Variants in CFAP251 observed in about 807,000 individuals in gnomAD.
CFAP251 encodes cilia and flagella associated protein 251, also known as cilia- and flagella-associated protein 251.
A neutral mutation model predicts 126.7 loss-of-function variants in CFAP251; 93 were observed. The ratio of observed to expected loss-of-function variants is 0.73; its 90% confidence interval spans 0.62 to 0.87. CFAP251 has a LOEUF of 0.87. Ranked by LOEUF, CFAP251 falls within the 40% of genes least tolerant of loss-of-function variation. The pLI is 0.00. For synonymous variants in CFAP251, 503 were observed against 506.9 expected, an observed-to-expected ratio of 0.99 and a Z score of 0.10; for missense variants, 1,287 against 1,389.2, an observed-to-expected ratio of 0.93 and a Z score of 1.17.
chr12:121,923,737 G>C lies in CFAP251; in HGVS notation c.494G>C (p.Ser165Thr). 1 of 1,614,182 alleles carries C rather than the reference G, an allele frequency of 6.2e-7. No individual in the cohort carries two copies. Among genetic ancestry groups the C allele is most frequent in the Non-Finnish European group, 8.5e-7 (1 of 1,180,032 alleles). Residue 165 changes from serine to threonine, a missense_variant, in exon 3 of 22, where the codon AGT becomes ACT. Physicochemically the swap from Ser to Thr is moderately conservative, Grantham distance 58. Transcript: ENST00000288912. Reference sequence around the variant, plus strand: ...GAATTTCTTGATTTGGATCAAATCAGTCCTGAGGAACAACAGATTAGTTCC... The same window carrying C: ...GAATTTCTTGATTTGGATCAAATCACTCCTGAGGAACAACAGATTAGTTCC... ...QIEFLDLDQI[S>T]PEEQQISSPE...
chr12:121,982,433 G>A (rs1882644703), intron 19 of CFAP251, among the ~76,000 whole-genome samples: 2 of 151,438 alleles, frequency 1.3e-5, no homozygotes, highest in South Asian at 4.2e-4. Flanking sequence ...AGGCTGGAGT[G>A]CAATGGCGCC....
In CFAP251 at chr12:121,960,692, C is replaced by T. The variant is rs897371073; in HGVS notation, c.2241C>T (p.Leu747=). 3 of 1,613,886 alleles carry T rather than the reference C, an allele frequency of 1.9e-6. No homozygotes were observed. The highest frequency in any genetic ancestry group is 2.2e-5 in the East Asian group (1 of 44,898). Residue 747 remains leucine, a synonymous_variant, in exon 14 of 22, where the codon CTC becomes CTT. Coordinates refer to ENST00000288912, the MANE Select transcript of CFAP251 (RefSeq NM_144668.6). ...LRSHRKSIRS[L]LFGVYLDSNE... is the part of the protein sequence containing the mutation. Reference sequence around the variant, plus strand: ...CTCATCGCAAAAGCATTCGAAGTCTCCTGTTTGGGGTTTACCTGGACAGCA... The same window carrying T: ...CTCATCGCAAAAGCATTCGAAGTCTTCTGTTTGGGGTTTACCTGGACAGCA...
chr12:121,986,940 G>A (rs1475830624), intron 19 of CFAP251, among the ~76,000 whole-genome samples: 1 of 152,084 alleles, frequency 6.6e-6, no homozygotes, highest in East Asian at 1.9e-4. Context: ...AGCTTGTGTT[G>A]CTTTTGTATT....
At chr12:121,973,374 A>G (rs924855399) in intron 17 of CFAP251, among the ~76,000 whole-genome samples, 1 of 152,326 alleles carries the variant, frequency 6.6e-6, no homozygotes, top group South Asian at 2.1e-4. Context: ...GCCCTCATGG[A>G]GCACCTCTGC....
intron 3 of CFAP251, among the ~76,000 whole-genome samples, chr12:121,928,676 A>ATATACGTG (rs1565902717): frequency 9.3e-5 from 4 of 42,786 alleles, no homozygotes; most frequent in African/African-American, 2.1e-4. Context: ...ATACGTATAT[A>ATATACGTG]TATATATATA....
In CFAP251 at chr12:121,923,632, G is replaced by A; in HGVS notation, c.389G>A (p.Arg130Lys). ...ITSGIFPKTQRGSKSKLSLQL... is the reference protein window; with the variant it reads ...ITSGIFPKTQKGSKSKLSLQL... ...TATTTCTTTTTAAAGAAAACCCAAA[G>A]AGGTAGCAAGTCAAAGCTTTCCTTA... Residue 130 changes from arginine to lysine, a missense_variant, in exon 3 of 22, where the codon AGA (arginine) becomes AAA (lysine). Coordinates refer to ENST00000288912, the MANE Select transcript of CFAP251 (RefSeq NM_144668.6). 6.2e-7 allele frequency: 1 copy of A among 1,605,212 alleles called. No individual in the cohort carries two copies. The highest frequency in any genetic ancestry group is 1.3e-5 in the African/African-American group (1 of 74,386).
intron 18 of CFAP251, 62 bp from the exon 19 acceptor site, chr12:121,975,480 T>C: frequency 6.3e-7 from 1 of 1,599,478 alleles, no homozygotes. Context: ...CCTTGAAGTG[T>C]TCATGGATGC....
chr12:121,967,532 C>T (rs938842992), intron 16 of CFAP251, among the ~76,000 whole-genome samples: 3 of 152,082 alleles, frequency 2.0e-5, no homozygotes, highest in East Asian at 1.9e-4. Flanking sequence ...GAAACCCCGT[C>T]TCTACTAAAA....
chr12:121,971,448 T>C (rs1409930342), intron 17 of CFAP251: 4 of 686,422 alleles, frequency 5.8e-6, no homozygotes, highest in African/African-American at 1.8e-5. Context: ...AGGAGTGTGC[T>C]GATACCCATT....
chr12:121,967,208 C>T (rs1162606318), intron 16 of CFAP251, 139 bp downstream of exon 16: 3 of 707,548 alleles, frequency 4.2e-6, no homozygotes, highest in South Asian at 1.9e-5. Context: ...AGCTGTGATA[C>T]TGAAAATTGC....
intron 7 of CFAP251, chr12:121,948,773 A>G (rs539160432): frequency 2.6e-6 from 1 of 384,410 alleles, no homozygotes; most frequent in Non-Finnish European, 4.6e-6. Context: ...ATTATAATAG[A>G]TCAAACTGGA....
intron 19 of CFAP251, among the ~76,000 whole-genome samples, chr12:121,983,881 C>T (rs980840593): frequency 6.6e-6 from 1 of 152,114 alleles, no homozygotes; most frequent in Non-Finnish European, 1.5e-5. Context: ...CTTTTGTTTT[C>T]AAGTCAGATT....
intron 17 of CFAP251, among the ~76,000 whole-genome samples, chr12:121,972,335 G>A (rs1227427096): frequency 6.6e-6 from 1 of 152,244 alleles, no homozygotes; most frequent in Non-Finnish European, 1.5e-5. Context: ...TCAGGCTGAG[G>A]TGGTCTCAGA....
chr12:121,954,653 A>AAC (rs1881658101), intron 10 of CFAP251, among the ~76,000 whole-genome samples: 4 of 149,236 alleles, frequency 2.7e-5, no homozygotes, highest in African/African-American at 9.8e-5. Context: ...AAAAAAAAAA[A>AAC]AAAAAAAAAA....
At chr12:121,938,663 AC>A (rs1392346931) in intron 5 of CFAP251, among the ~76,000 whole-genome samples, 1 of 148,684 alleles carries the variant, frequency 6.7e-6, no homozygotes, top group East Asian at 2.1e-4. Flanking sequence ...TGATTTTAGT[AC>A]ATTTTAATAG....
At chr12:121,990,342 C>A (rs921535000) in intron 19 of CFAP251, among the ~76,000 whole-genome samples, 1 of 152,190 alleles carries the variant, frequency 6.6e-6, no homozygotes, top group Admixed American at 6.5e-5. Flanking sequence ...GTGGGCAACA[C>A]CAGGGGCACA....
chr12:121,942,655 C>G lies in CFAP251; in HGVS notation c.1110+10C>G, dbSNP rs764079564. 1.2e-6 allele frequency: 2 copies of G among 1,607,544 alleles called. No homozygotes were observed. The highest frequency in any genetic ancestry group is 2.2e-5 in the South Asian group (2 of 90,698). On this transcript the variant is annotated intron_variant, in intron 6 of 21. Transcript: ENST00000288912. ...AGATGCTGAAGTCCAGGTAAAGGCC[C>G]TGGCCCTTTGGGTCAGCATCAGCGA...
At chr12:121,963,858 C>T (rs886713295) in intron 15 of CFAP251, among the ~76,000 whole-genome samples, 2 of 151,538 alleles carry the variant, frequency 1.3e-5, no homozygotes, top group Non-Finnish European at 2.9e-5. Context: ...TGTGGGGCCT[C>T]GACACAGCCC....
intron 18 of CFAP251, 46 bp downstream of exon 18, chr12:121,975,380 T>A: frequency 6.3e-7 from 1 of 1,593,642 alleles, no homozygotes; most frequent in Non-Finnish European, 8.6e-7. Flanking sequence ...TCTAGTTAAG[T>A]TTGTAAAGCA....
Sources: allele counts gnomAD v4.1 joint callset (sites outside exome capture counted in the v4.1 genomes callset), GRCh38; gene constraint gnomAD v4.1.1; transcripts MANE v1.5; gene names NCBI Gene and HGNC (gene_info 2026-07-23, HGNC 2026-07-21).